The following CATSPERE variants were observed in gnomAD, a reference collection of about 807,000 sequenced individuals.
The protein encoded by CATSPERE is catsper channel auxiliary subunit epsilon, also known as cation channel sperm-associated auxiliary subunit epsilon.
Under a neutral mutation model 114.1 loss-of-function variants are expected in CATSPERE, and 93 were observed. The observed-to-expected ratio is 0.81, with a 90% CI of 0.69 to 0.97. CATSPERE has a LOEUF of 0.97. CATSPERE is among the 50% of genes least tolerant of loss of function. The pLI, the probability that CATSPERE is intolerant of heterozygous loss-of-function variation, is 0.00. For synonymous variants in CATSPERE, 341 were observed against 384.1 expected (o/e 0.89, Z 1.31); for missense variants, 1,058 against 1,131.6 (o/e 0.93, Z 0.93).
Position 244,640,316 on chromosome 1 carries a change from A to G in CATSPERE, c.*235A>G, listed in dbSNP as rs1675199345. ...CCTTCATTTTAAAGATACTCTATGTACTCTCACATGGCATGAAAAAATAAA... is the reference window on the plus strand; with the variant it reads ...CCTTCATTTTAAAGATACTCTATGTGCTCTCACATGGCATGAAAAAATAAA... On this transcript the variant is annotated 3_prime_UTR_variant, in exon 22 of 22. Coordinates refer to ENST00000366534, the MANE Select transcript of CATSPERE (RefSeq NM_001130957.2). 1 of 312,404 alleles carries G rather than the reference A, an allele frequency of 3.2e-6. No homozygotes were observed. Among genetic ancestry groups the G allele is most frequent in the African/African-American group, 2.2e-5 (1 of 46,034 alleles). 19.4% of individuals were successfully genotyped at this position (312,404 alleles called of 1,614,324 possible).
At chr1:244,521,067 C>T (rs1254805160) in intron 8 of CATSPERE, among the ~76,000 whole-genome samples, 1 of 152,116 alleles carries the variant, frequency 6.6e-6, no homozygotes. Context: ...ATAAATTTAG[C>T]AATAGGCCAG....
chr1:244,584,631 C>T (rs1229386466), intron 13 of CATSPERE, among the ~76,000 whole-genome samples: 1 of 152,100 alleles, frequency 6.6e-6, no homozygotes, highest in Non-Finnish European at 1.5e-5. Flanking sequence ...CTCTCTATTA[C>T]TTCTCAGCCT....
chr1:244,623,018 G>C (rs1264600853), intron 20 of CATSPERE, among the ~76,000 whole-genome samples: 2 of 151,700 alleles, frequency 1.3e-5, no homozygotes, highest in African/African-American at 4.8e-5. Context: ...ACTATTCTAT[G>C]AGGCTAGTGA....
At chr1:244,536,529 G>C (rs529410167) in intron 8 of CATSPERE, among the ~76,000 whole-genome samples, 1 of 152,312 alleles carries the variant, frequency 6.6e-6, no homozygotes, top group African/African-American at 2.4e-5. Context: ...GCTTTCCGCT[G>C]TGACAGGGCA....
At chr1:244,598,583 A>G in intron 17 of CATSPERE, 1 of 351,254 alleles carries the variant, frequency 2.8e-6, no homozygotes, top group Non-Finnish European at 5.9e-6. Flanking sequence ...ACCCACAGAG[A>G]CCATGGAGAT....
intron 9 of CATSPERE, among the ~76,000 whole-genome samples, chr1:244,555,383 A>C (rs562264286): frequency 1.3e-4 from 14 of 108,586 alleles, no homozygotes; most frequent in African/African-American, 6.3e-4. Context: ...ACTCCATCCC[A>C]AAAAAAAAAA....
At chr1:244,507,979 A>G (rs1675071237) in intron 7 of CATSPERE, among the ~76,000 whole-genome samples, 1 of 152,016 alleles carries the variant, frequency 6.6e-6, no homozygotes, top group African/African-American at 2.4e-5. Context: ...TATGAATTTT[A>G]GGATTTTTTT....
upstream of CATSPERE, among the ~76,000 whole-genome samples, chr1:244,456,857 T>C (rs997127411): frequency 3.9e-5 from 6 of 152,158 alleles, no homozygotes; most frequent in Non-Finnish European, 2.9e-5. Flanking sequence ...AAAATGAAAG[T>C]TGCTAAGAAT....
chr1:244,527,323 A>G (rs568852735), intron 8 of CATSPERE, among the ~76,000 whole-genome samples: 6 of 152,284 alleles, frequency 3.9e-5, no homozygotes, highest in African/African-American at 7.2e-5. Context: ...TCTCTTTCTC[A>G]GGGATGTTCC....
intron 8 of CATSPERE, among the ~76,000 whole-genome samples, chr1:244,545,033 C>T (rs1659499328): frequency 6.6e-6 from 1 of 152,158 alleles, no homozygotes; most frequent in African/African-American, 2.4e-5. Flanking sequence ...GTCACCTTTC[C>T]CTTTCATAAG....
intron 8 of CATSPERE, among the ~76,000 whole-genome samples, chr1:244,540,549 G>T (rs1367606941): frequency 1.4e-5 from 2 of 142,522 alleles, no homozygotes; most frequent in African/African-American, 5.1e-5. Context: ...TGGGTAGGAA[G>T]AATCAATATC....
At position 244,605,675 on chromosome 1, in the gene CATSPERE, C is replaced by G. The variant is rs1386535259; in HGVS notation, c.2304-20C>G. The G allele has an allele frequency of 1.3e-6, 2 of 1,521,592 alleles. No homozygotes were observed. Among genetic ancestry groups the G allele is most frequent in the African/African-American group, 2.7e-5 (2 of 73,078 alleles). 94.3% of individuals were successfully genotyped at this position (1,521,592 alleles called of 1,614,324 possible). ...TATTTTATATTAAACTAGTATCTTT[C>G]TGTTTGTTGTTTCTTTCAGATTTGA... On this transcript the variant is annotated intron_variant, in intron 17 of 21. Coordinates refer to ENST00000366534, the MANE Select transcript of CATSPERE (RefSeq NM_001130957.2).
chr1:244,632,743 C>A (rs938385937), intron 20 of CATSPERE, among the ~76,000 whole-genome samples: 4 of 151,524 alleles, frequency 2.6e-5, no homozygotes, highest in Admixed American at 2.6e-4. Flanking sequence ...GAGAAAGGAA[C>A]AACAAAATGA....
At chr1:244,554,175 C>A (rs1281147306) in intron 9 of CATSPERE, among the ~76,000 whole-genome samples, 2 of 152,112 alleles carry the variant, frequency 1.3e-5, no homozygotes, top group African/African-American at 4.8e-5. Flanking sequence ...TTACTGATTT[C>A]TTTCCCTTTT....
intron 9 of CATSPERE, 92 bp from the exon 10 acceptor site, chr1:244,560,569 AAAAAAAT>A: frequency 1.5e-6 from 1 of 688,582 alleles, no homozygotes; most frequent in Non-Finnish European, 2.1e-6. Context: ...AAGAAAATTT[AAAAAAAT>A]AAAAAATAAA....
intron 11 of CATSPERE, among the ~76,000 whole-genome samples, chr1:244,574,150 GT>G (rs1230959752): frequency 6.6e-6 from 1 of 152,154 alleles, no homozygotes; most frequent in African/African-American, 2.4e-5. Flanking sequence ...TCCTAAATAG[GT>G]AAAGGCAATA....
chr1:244,634,431 T>C (rs1674361401), intron 20 of CATSPERE, among the ~76,000 whole-genome samples: 1 of 152,156 alleles, frequency 6.6e-6, no homozygotes, highest in African/African-American at 2.4e-5. Context: ...TAACAAATAA[T>C]AAAAATAAGT....
chr1:244,492,343 C>T (rs1468625114), intron 6 of CATSPERE, among the ~76,000 whole-genome samples: 1 of 151,964 alleles, frequency 6.6e-6, no homozygotes, highest in Non-Finnish European at 1.5e-5. Flanking sequence ...AAGACAAAAA[C>T]CACATGATTA....
At chr1:244,464,032 C>T in intron 2 of CATSPERE, 76 bp downstream of exon 2, 3 of 1,071,144 alleles carry the variant, frequency 2.8e-6, no homozygotes, top group Admixed American at 1.8e-5. Flanking sequence ...CAGAGTTAAT[C>T]ATATTGAGTT....
Sources: allele counts gnomAD v4.1 joint callset (sites outside exome capture counted in the v4.1 genomes callset), GRCh38; gene constraint gnomAD v4.1.1; transcripts MANE v1.5; gene names NCBI Gene and HGNC (gene_info 2026-07-23, HGNC 2026-07-21).